Variants in SVIL observed in about 807,000 individuals in gnomAD.
The protein encoded by SVIL is archvillin.
A neutral mutation model predicts 240.4 loss-of-function variants in SVIL; 101 were observed. That is an observed-to-expected ratio of 0.42 (90% CI 0.36 to 0.50). SVIL has a LOEUF of 0.50. Ranked by LOEUF, SVIL falls within the 20% of genes least tolerant of loss-of-function variation. SVIL has a pLI of 0.01. For missense variants in SVIL, 2,512 were observed against 2,818.7 expected, an observed-to-expected ratio of 0.89 and a Z score of 2.46; for synonymous variants, 999 against 1,100.0, an observed-to-expected ratio of 0.91 and a Z score of 1.82.
intron 12 of SVIL, among the ~76,000 whole-genome samples, chr10:29,529,196 AAAAAAAAG>A (rs1404598572): frequency 4.2e-5 from 6 of 142,600 alleles, no homozygotes; most frequent in Non-Finnish European, 7.6e-5. Context: ...AAAAAAAAAA[AAAAAAAAG>A]AAAAAAAGAA....
At chr10:29,602,696 A>C (rs1468341534) in intron 1 of SVIL, among the ~76,000 whole-genome samples, 2 of 152,218 alleles carry the variant, frequency 1.3e-5, no homozygotes, top group Non-Finnish European at 2.9e-5. Context: ...TTAAAAAAGA[A>C]AGGGAGAGGC....
chr10:29,594,939 G>A (rs1480140545), intron 1 of SVIL, among the ~76,000 whole-genome samples: 1 of 152,226 alleles, frequency 6.6e-6, no homozygotes, highest in Non-Finnish European at 1.5e-5. Context: ...CCCAGCCCCT[G>A]CTGTGTTTCA....
intron 2 of SVIL, among the ~76,000 whole-genome samples, chr10:29,685,510 C>T (rs762885014): frequency 6.6e-5 from 10 of 152,182 alleles, no homozygotes; most frequent in Non-Finnish European, 1.2e-4. Context: ...CTGCTTTCCA[C>T]GATGAACTAA....
rs1948784372 is a variant in SVIL, at chr10:29,500,370, T to C, written c.3517-1107A>G. ...GAGCGGGGGAGAAGCACAGGAGGTG[T>C]GGAGCTAATGCCAAGGAAGGAAGAG... On this transcript the variant is annotated intron_variant, in intron 17 of 37. Coordinates refer to ENST00000355867, the MANE Select transcript of SVIL (RefSeq NM_021738.3). Among the ~76,000 whole-genome samples, 3 of 152,058 alleles carry C rather than the reference T, an allele frequency of 2.0e-5. 1 individual carries two copies. The South Asian group carries it at 6.3e-4, about 32-fold the overall frequency.
chr10:29,465,564 G>A lies in SVIL; in HGVS notation c.6133+31C>T, dbSNP rs768292889. 5.1e-6 allele frequency: 8 copies of A among 1,569,202 alleles called. No homozygotes were observed. The South Asian group carries it at 7.0e-5, about 14-fold the overall frequency. On this transcript the variant is annotated intron_variant, in intron 34 of 37. Coordinates refer to ENST00000355867, the MANE Select transcript of SVIL (RefSeq NM_021738.3). ...CTTTCTGGAAGATGTGCCTTCTACTGCTCAGCATAGCTGCCCCCTGCAGGC... is the reference window on the plus strand; with the variant it reads ...CTTTCTGGAAGATGTGCCTTCTACTACTCAGCATAGCTGCCCCCTGCAGGC...
At chr10:29,605,905 T>A (rs1458555588) in intron 1 of SVIL, among the ~76,000 whole-genome samples, 1 of 151,764 alleles carries the variant, frequency 6.6e-6, no homozygotes, top group African/African-American at 2.4e-5. Context: ...CTAGTACTTA[T>A]TAGTTTTTAT....
intron 16 of SVIL, among the ~76,000 whole-genome samples, chr10:29,514,217 A>ATTT (rs1276608571): frequency 2.0e-5 from 3 of 152,172 alleles, no homozygotes; most frequent in Admixed American, 6.5e-5. Flanking sequence ...ATAAATATTA[A>ATTT]ATCCATAAAT....
chr10:29,505,337 T>C (rs1271277566), intron 17 of SVIL, among the ~76,000 whole-genome samples: 2 of 151,340 alleles, frequency 1.3e-5, no homozygotes, highest in African/African-American at 2.4e-5. Flanking sequence ...AAAATAATAA[T>C]AATAATCATA....
chr10:29,525,138 A>C (rs2132538051), intron 13 of SVIL, among the ~76,000 whole-genome samples: 1 of 152,272 alleles, frequency 6.6e-6, no homozygotes, highest in East Asian at 1.9e-4. Context: ...ATAATTAGGA[A>C]ACGATATAGT....
rs1421758231 is a variant in SVIL, at chr10:29,523,776, T to G, written c.2838A>C (p.Glu946Asp). The G allele has an allele frequency of 1.9e-6, 3 of 1,614,104 alleles. No individual in the cohort carries two copies. Among genetic ancestry groups the G allele is most frequent in the African/African-American group, 2.7e-5 (2 of 74,936 alleles). ...CTCTCTTGCTTTCTGTCTCTCCATATTCTCTCAACATTCCCTTGTTCTCGC... is the reference window on the plus strand; with the variant it reads ...CTCTCTTGCTTTCTGTCTCTCCATAGTCTCTCAACATTCCCTTGTTCTCGC... ...EGSENKGMLR[E>D]YGETESKRAL... is the part of the protein sequence containing the mutation. The change falls in exon 15 of 38, where the codon GAA becomes GAC. Residue 946 changes from glutamate to aspartate, a missense_variant. By Grantham distance (45) the Glu-to-Asp change is conservative (BLOSUM62 2). Coordinates refer to ENST00000355867, the MANE Select transcript of SVIL (RefSeq NM_021738.3).
chr10:29,525,176 T>C (rs1297233428), intron 13 of SVIL, among the ~76,000 whole-genome samples: 1 of 152,170 alleles, frequency 6.6e-6, no homozygotes, highest in Non-Finnish European at 1.5e-5. Context: ...ACAGAAGGTC[T>C]TGATTTTTAC....
chr10:29,643,058 C>T (rs1385485946), intron 3 of SVIL, among the ~76,000 whole-genome samples: 1 of 152,126 alleles, frequency 6.6e-6, no homozygotes, highest in Non-Finnish European at 1.5e-5. Context: ...TTGCAATATC[C>T]CTCCAGAGCT....
chr10:29,626,258 A>T (rs1364189232), intron 1 of SVIL, among the ~76,000 whole-genome samples: 1 of 152,162 alleles, frequency 6.6e-6, no homozygotes, highest in East Asian at 1.9e-4. Flanking sequence ...CATGGTAGGT[A>T]TTTTACATTT....
chr10:29,562,302 T>C lies in SVIL; in HGVS notation c.-51+899A>G, dbSNP rs116802962. Among the ~76,000 whole-genome samples the C allele has an allele frequency of 1.4e-3, 206 of 152,306 alleles. 2 individuals carry two copies. The highest frequency in any genetic ancestry group is 4.8e-3 in the African/African-American group (199 of 41,566). On this transcript the variant is annotated intron_variant, in intron 3 of 37. Transcript: ENST00000355867. ...ATTTCACTGGTAACACTAGGGGGAA[T>C]TGGTTTATAGTTGGTGCAGACATTT...
intron 1 of SVIL, among the ~76,000 whole-genome samples, chr10:29,730,404 A>G (rs1469804094): frequency 5.3e-5 from 8 of 152,082 alleles, no homozygotes; most frequent in African/African-American, 9.7e-5. Context: ...TGAATTTTCA[A>G]TCAGGAGATC....
intron 6 of SVIL, among the ~76,000 whole-genome samples, chr10:29,539,218 G>C (rs1290013961): frequency 6.6e-6 from 1 of 151,510 alleles, no homozygotes; most frequent in Non-Finnish European, 1.5e-5. Context: ...GTATGTGAAG[G>C]CATCATGCCT....
In SVIL at chr10:29,700,267, A is replaced by G. The variant is rs115108865; in HGVS notation, c.-399-13616T>C. Among the ~76,000 whole-genome samples the G allele has an allele frequency of 7.8e-3, 1,181 of 152,190 alleles. 14 individuals are homozygous for G. The highest frequency in any genetic ancestry group is 0.027 in the African/African-American group (1,110 of 41,516). On this transcript the variant is annotated intron_variant, in intron 1 of 35. Coordinates refer to the SVIL transcript ENST00000375400. ...TCCTAAGTCACATTCTTCACAGAGC[A>G]AGCCCTTTGATGAACATTTCCCTGC... is the stretch of plus-strand genomic sequence containing the variant.
intron 1 of SVIL, among the ~76,000 whole-genome samples, chr10:29,723,752 CA>C (rs1238633326): frequency 6.6e-6 from 1 of 152,082 alleles, no homozygotes; most frequent in Non-Finnish European, 1.5e-5. Context: ...CTTGTTTCTG[CA>C]ACTCATGAAC....
At chr10:29,488,870 C>A (rs1453128201) in intron 22 of SVIL, 114 bp from the exon 23 acceptor site, 4 of 1,202,954 alleles carry the variant, frequency 3.3e-6, no homozygotes, top group Non-Finnish European at 4.6e-6. Flanking sequence ...AAGTTAATCC[C>A]GAGAGGGAAA....
Sources: gnomAD v4.1 joint callset for allele counts (sites outside exome capture counted in the v4.1 genomes callset) on GRCh38, gnomAD v4.1.1 for gene constraint, MANE v1.5 for transcripts, NCBI Gene and HGNC (gene_info 2026-07-23, HGNC 2026-07-21) for gene names.